The following CDH18 variants were observed in gnomAD, a reference collection of about 807,000 sequenced individuals.
CDH18 encodes the protein cadherin-18.
In CDH18, 31 loss-of-function variants were observed where a neutral mutation model predicts 67.9. That is an observed-to-expected ratio of 0.46 (90% CI 0.34 to 0.62). The LOEUF (loss-of-function observed/expected upper bound fraction) is 0.62, where lower values mean the gene tolerates loss of function less well. Among genes scored for constraint, CDH18 ranks in the 20% least tolerant of loss-of-function variants. The pLI is 0.01. For synonymous variants in CDH18, 362 were observed against 347.2 expected (o/e 1.04, Z -0.48); for missense variants, 890 against 975.5 (o/e 0.91, Z 1.17).
intron 2 of CDH18, among the ~76,000 whole-genome samples, chr5:19,894,150 A>G (rs1789053365): frequency 6.6e-6 from 1 of 152,036 alleles, no homozygotes; most frequent in African/African-American, 2.4e-5. Flanking sequence ...AGAATCAAGA[A>G]TCTCTAGAAA....
chr5:20,192,133 G>T (rs576356954), intron 2 of CDH18, among the ~76,000 whole-genome samples: 1 of 149,862 alleles, frequency 6.7e-6, no homozygotes, highest in Non-Finnish European at 1.5e-5. Context: ...TTTTTCATTT[G>T]TTTCTTGGTC....
intron 1 of CDH18, among the ~76,000 whole-genome samples, chr5:20,407,497 G>GA (rs72455204): frequency 0.22 from 30,060 of 137,724 alleles, 3,792 homozygotes; most frequent in East Asian, 0.48. Context: ...CACCAATGAG[G>GA]AAAAAAAAAA....
At chr5:19,846,795 C>A (rs59559195) in intron 2 of CDH18, among the ~76,000 whole-genome samples, 1 of 152,106 alleles carries the variant, frequency 6.6e-6, no homozygotes, top group Admixed American at 6.6e-5. Context: ...CTTTTGGAAT[C>A]TTTTGTAAGA....
intron 2 of CDH18, among the ~76,000 whole-genome samples, chr5:19,909,763 C>G (rs1285155608): frequency 1.3e-5 from 2 of 151,928 alleles, no homozygotes; most frequent in Non-Finnish European, 2.9e-5. Flanking sequence ...TCATTTCCTT[C>G]AGGTTTGCAG....
intron 3 of CDH18, among the ~76,000 whole-genome samples, chr5:19,762,073 C>T (rs1388717979): frequency 1.3e-5 from 2 of 152,110 alleles, no homozygotes; most frequent in African/African-American, 2.4e-5. Flanking sequence ...CTTCCTTGCA[C>T]CTTACACAAA....
chr5:19,572,128 T>A (rs1186316559), intron 7 of CDH18, among the ~76,000 whole-genome samples: 1 of 152,190 alleles, frequency 6.6e-6, no homozygotes, highest in Non-Finnish European at 1.5e-5. Context: ...TGCTAGGTAA[T>A]GTTTTCAAGA....
intron 1 of CDH18, among the ~76,000 whole-genome samples, chr5:20,360,021 C>T (rs1741958605): frequency 6.9e-6 from 1 of 144,556 alleles, no homozygotes; most frequent in Non-Finnish European, 1.5e-5. Context: ...AGAATATAAT[C>T]AATAACAAAC....
intron 4 of CDH18, among the ~76,000 whole-genome samples, chr5:19,738,937 A>T (rs1768729671): frequency 6.6e-6 from 1 of 152,198 alleles, no homozygotes; most frequent in Non-Finnish European, 1.5e-5. Flanking sequence ...AGACTGAGGA[A>T]TCACTTGAAG....
intron 1 of CDH18, among the ~76,000 whole-genome samples, chr5:20,423,084 G>A (rs1425971834): frequency 6.6e-6 from 1 of 151,154 alleles, no homozygotes; most frequent in East Asian, 1.9e-4. Flanking sequence ...TAAAGCAAGT[G>A]GTGATATTCC....
intron 2 of CDH18, among the ~76,000 whole-genome samples, chr5:20,141,761 ATAACATC>A (rs994266293): frequency 4.6e-5 from 7 of 152,146 alleles, no homozygotes; most frequent in African/African-American, 1.7e-4. Flanking sequence ...TAAAAGTCAG[ATAACATC>A]TGAAATGTAG....
intron 2 of CDH18, among the ~76,000 whole-genome samples, chr5:19,957,756 T>C (rs1796394524): frequency 1.3e-5 from 2 of 152,060 alleles, no homozygotes; most frequent in African/African-American, 4.8e-5. Flanking sequence ...TTTTCTTTGC[T>C]TCCATCATCT....
At chr5:19,774,630 T>C (rs1045883192) in intron 3 of CDH18, among the ~76,000 whole-genome samples, 3 of 149,474 alleles carry the variant, frequency 2.0e-5, no homozygotes, top group Non-Finnish European at 4.5e-5. Flanking sequence ...GAGACCAGCC[T>C]CACCAATATG....
intron 2 of CDH18, among the ~76,000 whole-genome samples, chr5:19,948,614 G>A (rs1357667988): frequency 6.6e-6 from 1 of 152,096 alleles, no homozygotes; most frequent in East Asian, 1.9e-4. Flanking sequence ...TAGCTACATG[G>A]ATGACAAAGT....
rs1439442897 is a variant in CDH18 at position 19,472,655 on chromosome 5, G to A, written c.*571C>T. Among the ~76,000 whole-genome samples, 1 of 152,022 alleles carries A rather than the reference G, an allele frequency of 6.6e-6. No individual in the cohort carries two copies. On this transcript the variant is annotated 3_prime_UTR_variant, in exon 13 of 13. Coordinates refer to ENST00000382275, the MANE Select transcript of CDH18 (RefSeq NM_004934.5). ...TTTGTATGGAGAAAAGAACTGGGGA[G>A]GGCAAAGGGAAATGGTACATACAAG...
chr5:20,080,314 C>G (rs2150540818), intron 2 of CDH18, among the ~76,000 whole-genome samples: 1 of 152,020 alleles, frequency 6.6e-6, no homozygotes, highest in Non-Finnish European at 1.5e-5. Flanking sequence ...TTGTTGCACC[C>G]AAAGCACCAT....
At chr5:20,300,937 T>C (rs773153510) in intron 1 of CDH18, among the ~76,000 whole-genome samples, 4 of 152,186 alleles carry the variant, frequency 2.6e-5, no homozygotes, top group African/African-American at 7.2e-5. Flanking sequence ...TCTCCAAGAT[T>C]AACCTGAGCA....
At chr5:19,863,132 TG>T (rs141803458) in intron 2 of CDH18, among the ~76,000 whole-genome samples, 2,524 of 152,248 alleles carry the variant, frequency 0.017, 30 homozygotes, top group Middle Eastern at 0.044. Flanking sequence ...GTCTTATGCC[TG>T]GCCCTGAGAT....
rs189753364 is a variant in CDH18 at position 19,590,298 on chromosome 5, T to A, written c.999+759A>T. ...GACATTGATATTTTATATGTACCAG[T>A]GGTGATTATTGTTCTCTAAGTGTTT... On this transcript the variant is annotated intron_variant, in intron 7 of 12. Transcript: ENST00000382275. Among the ~76,000 whole-genome samples the A allele has an allele frequency of 4.6e-5, 7 of 152,250 alleles. No individual in the cohort carries two copies. In the East Asian group the frequency reaches 1.4e-3, roughly 29 times the overall value.
intron 1 of CDH18, among the ~76,000 whole-genome samples, chr5:20,568,668 C>A (rs957134062): frequency 6.6e-6 from 1 of 152,090 alleles, no homozygotes; most frequent in African/African-American, 2.4e-5. Flanking sequence ...GAGACAGAGA[C>A]GGCAACTGAG....
Sources: allele counts gnomAD v4.1 joint callset (sites outside exome capture counted in the v4.1 genomes callset), GRCh38; gene constraint gnomAD v4.1.1; transcripts MANE v1.5; gene names NCBI Gene and HGNC (gene_info 2026-07-23, HGNC 2026-07-21).